Variants in RRAS2 observed in about 807,000 individuals in gnomAD.
The protein encoded by RRAS2 is RAS related 2, also known as ras-related protein R-Ras2.
Under a neutral mutation model 27.6 loss-of-function variants are expected in RRAS2, and 7 were observed. The ratio of observed to expected loss-of-function variants is 0.25; its 90% CI spans 0.14 to 0.48. The LOEUF (loss-of-function observed/expected upper bound fraction) is 0.48, where lower values mean the gene tolerates loss of function less well. Among genes scored for constraint, RRAS2 ranks in the 20% least tolerant of loss-of-function variants. The pLI, the probability that RRAS2 is intolerant of heterozygous loss-of-function variation, is 0.99. For missense variants in RRAS2, 178 were observed against 256.2 expected, an observed-to-expected ratio of 0.69 and a Z score of 2.08; for synonymous variants, 86 against 90.9, an observed-to-expected ratio of 0.95 and a Z score of 0.31.
At chr11:14,340,715 A>T (rs1848687931) in intron 1 of RRAS2, among the ~76,000 whole-genome samples, 1 of 152,196 alleles carries the variant, frequency 6.6e-6, no homozygotes, top group Admixed American at 6.6e-5. Flanking sequence ...AATTTACACC[A>T]TGAGTTAATT....
chr11:14,312,160 C>T (rs1383551776), intron 1 of RRAS2, among the ~76,000 whole-genome samples: 2 of 152,084 alleles, frequency 1.3e-5, no homozygotes, highest in East Asian at 1.9e-4. Context: ...CCACTGTGCC[C>T]GGCCTGAAAA....
intron 1 of RRAS2, among the ~76,000 whole-genome samples, chr11:14,319,781 T>C (rs1554950041): frequency 6.6e-6 from 1 of 152,172 alleles, no homozygotes. Flanking sequence ...TAAAAGGTGA[T>C]AAACCTACCT....
chr11:14,291,041 C>G (rs906602572), intron 4 of RRAS2, among the ~76,000 whole-genome samples: 4 of 152,232 alleles, frequency 2.6e-5, no homozygotes, highest in African/African-American at 7.2e-5. Context: ...AGAAGTTGAT[C>G]ATAGACAGAT....
intron 1 of RRAS2, among the ~76,000 whole-genome samples, chr11:14,315,313 G>A (rs1335656425): frequency 1.3e-5 from 2 of 152,126 alleles, no homozygotes; most frequent in African/African-American, 2.4e-5. Flanking sequence ...TGATGAAAAC[G>A]GTACTTCACC....
chr11:14,339,293 A>AG (rs549908438), intron 1 of RRAS2, among the ~76,000 whole-genome samples: 1,047 of 63,780 alleles, frequency 0.016, 13 homozygotes, highest in African/African-American at 0.052. Flanking sequence ...AAAAAAAAAA[A>AG]GGGGGGGGGG....
At chr11:14,339,853 C>A (rs1482034263) in intron 1 of RRAS2, among the ~76,000 whole-genome samples, 1 of 151,938 alleles carries the variant, frequency 6.6e-6, no homozygotes, top group African/African-American at 2.4e-5. Flanking sequence ...GTGGCTCATG[C>A]CTGTAATCCC....
At chr11:14,356,712 T>C (rs781913959) in intron 1 of RRAS2, 3 of 444,918 alleles carry the variant, frequency 6.7e-6, no homozygotes, top group East Asian at 7.0e-5. Context: ...TTTAATATCA[T>C]CTAGAGCATC....
upstream of RRAS2, among the ~76,000 whole-genome samples, chr11:14,360,806 C>T (rs1161788662): frequency 2.6e-5 from 4 of 151,772 alleles, no homozygotes; most frequent in Admixed American, 2.6e-4. Flanking sequence ...TTGTACTCTC[C>T]GCTACTCCGG....
rs868958537 is a variant in RRAS2 at position 14,358,677 on chromosome 11, G to A, written c.108+86C>T. Reference sequence around the variant, plus strand: ...CGGGCCCGCGAGGCGCCTCTGGGGCGAGGTCGCGGCGGCCGCCCCGCCACA... The same window carrying A: ...CGGGCCCGCGAGGCGCCTCTGGGGCAAGGTCGCGGCGGCCGCCCCGCCACA... On this transcript the variant is annotated intron_variant, in intron 1 of 5. Coordinates refer to ENST00000256196, the MANE Select transcript of RRAS2 (RefSeq NM_012250.6). The surrounding 1 kb of genome is among the most constrained non-coding windows in gnomAD (Gnocchi z 5.1). The A allele has an allele frequency of 4.4e-5, 45 of 1,023,294 alleles. No individual in the cohort carries two copies. The African/African-American group carries it at 6.8e-4, about 15-fold the overall frequency. 63.4% of individuals were successfully genotyped at this position (1,023,294 alleles called of 1,614,324 possible).
intron 1 of RRAS2, among the ~76,000 whole-genome samples, chr11:14,306,193 A>G (rs1310026485): frequency 6.6e-6 from 1 of 151,912 alleles, no homozygotes; most frequent in Non-Finnish European, 1.5e-5. Flanking sequence ...GGCCATTTGT[A>G]TATCTTCTTT....
chr11:14,298,050 C>A (rs1360372804), intron 1 of RRAS2, among the ~76,000 whole-genome samples: 1 of 150,930 alleles, frequency 6.6e-6, no homozygotes, highest in Non-Finnish European at 1.5e-5. Context: ...GGCACCCATG[C>A]CACTTCAAAA....
intron 4 of RRAS2, among the ~76,000 whole-genome samples, chr11:14,291,568 T>A (rs957142501): frequency 5.9e-5 from 9 of 152,044 alleles, no homozygotes; most frequent in South Asian, 2.1e-4. Context: ...GAAAAATAAA[T>A]AAAAATAACT....
chr11:14,300,698 A>G (rs577830341), intron 1 of RRAS2, among the ~76,000 whole-genome samples: 3 of 152,314 alleles, frequency 2.0e-5, no homozygotes, highest in Admixed American at 1.3e-4. Context: ...ACTAGATTGC[A>G]TAACAGGAGC....
chr11:14,353,236 TC>T lies in RRAS2; in HGVS notation c.108+5526del, dbSNP rs200640752. 5.4e-3 allele frequency among the ~76,000 whole-genome samples: 818 copies of T among 152,260 alleles called. 8 individuals are homozygous for T. The highest frequency in any genetic ancestry group is 0.018 in the African/African-American group (762 of 41,548). ...AGGAAAGACCATGATATTTCAGCAA[TC>T]AGATGAATTAAAATCCCATCCCGGT... On this transcript the variant is annotated intron_variant, in intron 1 of 5. Coordinates refer to ENST00000256196, the MANE Select transcript of RRAS2 (RefSeq NM_012250.6).
intron 1 of RRAS2, among the ~76,000 whole-genome samples, chr11:14,331,578 T>C (rs1410338160): frequency 6.6e-6 from 1 of 150,438 alleles, no homozygotes; most frequent in African/African-American, 2.5e-5. Flanking sequence ...GTGGCGCACA[T>C]CTATAGTCCC....
chr11:14,348,956 C>T lies in RRAS2; in HGVS notation c.108+9807G>A, dbSNP rs547756596. Among the ~76,000 whole-genome samples the T allele has an allele frequency of 1.1e-4, 17 of 152,152 alleles. No individual in the cohort carries two copies. In the East Asian group the frequency reaches 2.5e-3, roughly 22 times the overall value. On this transcript the variant is annotated intron_variant, in intron 1 of 5. Transcript: ENST00000256196. Reference sequence around the variant, plus strand: ...ATAATGAGATCTATTTCTATATCTACATACTTCTTTTTTTGTTTCTTGTTT... The same window carrying T: ...ATAATGAGATCTATTTCTATATCTATATACTTCTTTTTTTGTTTCTTGTTT...
intron 1 of RRAS2, among the ~76,000 whole-genome samples, chr11:14,350,907 A>G (rs913578315): frequency 1.3e-5 from 2 of 152,296 alleles, no homozygotes; most frequent in East Asian, 3.9e-4. Context: ...TCTTTTTCAC[A>G]GGTGCATAAT....
rs145228825 is a variant in RRAS2 at position 14,334,531 on chromosome 11, TACACACACAC to T, written c.108+24222_108+24231del. ...AACTTTTTTGAAAAGCATCCATACA[TACACACACAC>T]ACACACACACACACACACATAATGG... On this transcript the variant is annotated intron_variant, in intron 1 of 5. Coordinates refer to ENST00000256196, the MANE Select transcript of RRAS2 (RefSeq NM_012250.6). 8.3e-5 allele frequency among the ~76,000 whole-genome samples: 12 copies of T among 143,860 alleles called. No individual in the cohort carries two copies. In the South Asian group the frequency reaches 9.0e-4, roughly 11 times the overall value. The allele number at this position is 143,860 out of a possible 152,430, so 94.4% of individuals were successfully genotyped here.
At chr11:14,362,977 C>T (rs143010446), upstream of RRAS2, among the ~76,000 whole-genome samples, 31 of 152,294 alleles carry the variant, frequency 2.0e-4, 1 homozygote, top group East Asian at 5.4e-3. Context: ...ATCTAGCCAG[C>T]GCATATGTTT....
Sources: allele counts gnomAD v4.1 joint callset (sites outside exome capture counted in the v4.1 genomes callset), GRCh38; gene constraint gnomAD v4.1.1; non-coding constraint Gnocchi (gnomAD v3.1); transcripts MANE v1.5; gene names NCBI Gene and HGNC (gene_info 2026-07-23, HGNC 2026-07-21).